Variants in XKR9 observed in about 807,000 individuals in gnomAD.
The protein encoded by XKR9 is XK-related protein 9.
Under a neutral mutation model 32.0 loss-of-function variants are expected in XKR9, and 32 were observed. That is an observed-to-expected ratio of 1.00 (90% confidence interval 0.76 to 1.34). The LOEUF (loss-of-function observed/expected upper bound fraction) is 1.34, where lower values mean the gene tolerates loss of function less well. Ranked by LOEUF, XKR9 falls within the 40% of genes most tolerant of loss-of-function variation. The pLI, the probability that XKR9 is intolerant of heterozygous loss-of-function variation, is 0.00. For missense variants in XKR9, 546 were observed against 429.7 expected (o/e 1.27, Z -2.39); for synonymous variants, 168 against 143.4 (o/e 1.17, Z -1.22).
intron 2 of XKR9, among the ~76,000 whole-genome samples, chr8:70,754,847 G>A (rs1342539265): frequency 2.6e-5 from 4 of 151,976 alleles, no homozygotes; most frequent in Non-Finnish European, 4.4e-5. Context: ...CAGGACACAG[G>A]CATGGGCAAG....
At chr8:70,779,810 T>C (rs1807590200) in intron 2 of XKR9, among the ~76,000 whole-genome samples, 1 of 152,150 alleles carries the variant, frequency 6.6e-6, no homozygotes, top group Admixed American at 6.6e-5. Flanking sequence ...ATCTCCTTAA[T>C]CACTTTTATT....
At chr8:70,774,002 T>C (rs1807487298) in intron 2 of XKR9, among the ~76,000 whole-genome samples, 1 of 152,184 alleles carries the variant, frequency 6.6e-6, no homozygotes, top group African/African-American at 2.4e-5. Context: ...TCAATTTTTC[T>C]TTGTACAAGT....
chr8:70,681,315 GA>G lies in XKR9; in HGVS notation c.258del (p.Gly87GlufsTer10). 6.2e-7 allele frequency: 1 copy of G among 1,612,076 alleles called. No homozygotes were observed. The highest frequency in any genetic ancestry group is 8.5e-7 in the Non-Finnish European group (1 of 1,179,076). Reference protein sequence around the residue: ...HCFLLLHCLQGGVFTRYWFAL... With the variant: ...HCFLLLHCLQXGVFTRYWFAL... ...TTTCTTCTACTTCATTGCTTGCAAG[GA>G]GGAGTTTTTACAAGGTGAGCATACA... On this transcript the variant is annotated frameshift_variant, in exon 3 of 5. Transcript: ENST00000408926. LOFTEE classifies it high-confidence loss of function.
chr8:70,866,515 C>T, the XKR9 span, among the ~76,000 whole-genome samples: 1 of 152,196 alleles, frequency 6.6e-6, no homozygotes, highest in African/African-American at 2.4e-5. Context: ...GGCATTTCTG[C>T]TGAGTTTGAG....
the XKR9 span, among the ~76,000 whole-genome samples, chr8:70,846,761 T>C: frequency 6.6e-6 from 1 of 151,848 alleles, no homozygotes. Context: ...AGAATTTAAA[T>C]AAAAATAGTG....
the XKR9 span, among the ~76,000 whole-genome samples, chr8:71,024,703 A>G: frequency 6.6e-6 from 1 of 151,674 alleles, no homozygotes; most frequent in Non-Finnish European, 1.5e-5. Flanking sequence ...ACCACAGAAG[A>G]TCTCCCACTT....
chr8:70,910,603 A>G, the XKR9 span, among the ~76,000 whole-genome samples: 1 of 152,242 alleles, frequency 6.6e-6, no homozygotes, highest in Non-Finnish European at 1.5e-5. Context: ...CTGGGAGTAG[A>G]ACTCAGGAAC....
chr8:70,711,271 C>T (rs1300981467), intron 4 of XKR9, among the ~76,000 whole-genome samples: 1 of 152,150 alleles, frequency 6.6e-6, no homozygotes, highest in East Asian at 1.9e-4. Context: ...AATCCCATTA[C>T]TGGGTATATA....
chr8:70,990,689 G>A, the XKR9 span, among the ~76,000 whole-genome samples: 2 of 151,076 alleles, frequency 1.3e-5, no homozygotes, highest in Non-Finnish European at 2.9e-5. Context: ...ATAGCCAAGA[G>A]AAAAATTCTC....
the XKR9 span, among the ~76,000 whole-genome samples, chr8:70,977,050 C>T: frequency 1.1e-4 from 17 of 152,104 alleles, no homozygotes; most frequent in Admixed American, 2.0e-4. Flanking sequence ...TATTTCTGTG[C>T]GATTGGTTGT....
intron 4 of XKR9, among the ~76,000 whole-genome samples, chr8:70,725,895 G>T (rs1208167875): frequency 6.6e-6 from 1 of 152,014 alleles, no homozygotes; most frequent in Admixed American, 6.6e-5. Flanking sequence ...GACACAGTGA[G>T]ACTCCATCTC....
chr8:70,979,194 C>T, the XKR9 span, among the ~76,000 whole-genome samples: 241 of 152,324 alleles, frequency 1.6e-3, no homozygotes, highest in Non-Finnish European at 2.9e-3. Flanking sequence ...CCTCCTTTAG[C>T]TCAGAGAAGT....
chr8:70,982,591 G>A, the XKR9 span, among the ~76,000 whole-genome samples: 3 of 152,152 alleles, frequency 2.0e-5, no homozygotes, highest in African/African-American at 7.2e-5. Context: ...GACCAGGGCT[G>A]AGAACTTGCC....
At chr8:70,712,118 T>C (rs1241268742) in intron 4 of XKR9, among the ~76,000 whole-genome samples, 1 of 152,098 alleles carries the variant, frequency 6.6e-6, no homozygotes, top group Non-Finnish European at 1.5e-5. Context: ...GTAAAAACAG[T>C]ATAAGCACAT....
chr8:71,061,157 G>A, the XKR9 span, among the ~76,000 whole-genome samples: 1 of 152,180 alleles, frequency 6.6e-6, no homozygotes, highest in Admixed American at 6.5e-5. Flanking sequence ...TGATGGTCAA[G>A]GTTACATACT....
At chr8:71,040,383 G>C in the XKR9 span, among the ~76,000 whole-genome samples, 1 of 152,112 alleles carries the variant, frequency 6.6e-6, no homozygotes, top group South Asian at 2.1e-4. Flanking sequence ...CGTTTTTATT[G>C]GTCGAAATGG....
At chr8:70,867,505 G>T in the XKR9 span, among the ~76,000 whole-genome samples, 1 of 152,136 alleles carries the variant, frequency 6.6e-6, no homozygotes, top group African/African-American at 2.4e-5. Flanking sequence ...AGGCTGGAGT[G>T]CAGTGGCACC....
chr8:70,871,067 T>A, the XKR9 span, among the ~76,000 whole-genome samples: 1 of 152,198 alleles, frequency 6.6e-6, no homozygotes, highest in Non-Finnish European at 1.5e-5. Flanking sequence ...TTATATCTTA[T>A]CTTTTACTTG....
the XKR9 span, among the ~76,000 whole-genome samples, chr8:70,822,415 T>C: frequency 1.3e-5 from 2 of 151,912 alleles, no homozygotes; most frequent in Admixed American, 1.3e-4. Context: ...ATATATGTGG[T>C]TGTGAGTAAT....
Sources: gnomAD v4.1 joint callset for allele counts (sites outside exome capture counted in the v4.1 genomes callset) on GRCh38, gnomAD v4.1.1 for gene constraint, MANE v1.5 for transcripts, NCBI Gene and HGNC (gene_info 2026-07-23, HGNC 2026-07-21) for gene names.